Variants in LDLRAD4 observed in about 807,000 individuals in gnomAD.
LDLRAD4 encodes the protein low-density lipoprotein receptor class A domain-containing protein 4.
Under a neutral mutation model 17.0 loss-of-function variants are expected in LDLRAD4, and 5 were observed. That is an observed-to-expected ratio of 0.29 (90% CI 0.15 to 0.62). LDLRAD4 has a LOEUF of 0.62. Among genes scored for constraint, LDLRAD4 ranks in the 20% least tolerant of loss-of-function variants. The pLI is 0.84. For synonymous variants in LDLRAD4, 168 were observed against 171.8 expected (o/e 0.98, Z 0.17); for missense variants, 340 against 424.7 (o/e 0.80, Z 1.75).
At position 13,415,981 on chromosome 18, in the gene LDLRAD4, C is replaced by T. The variant is rs971876402; in HGVS notation, c.41-22263C>T. Among the ~76,000 whole-genome samples the T allele has an allele frequency of 1.4e-4, 21 of 152,210 alleles. 1 individual carries two copies. The highest frequency in any genetic ancestry group is 9.2e-4 in the Admixed American group (14 of 15,288). The stretch of plus-strand genomic sequence containing the variant: ...TCTTCATCTCTGCGGTGACTTGCGT[C>T]GTAGGAGAGCTTTGGTGTGGGCTGT... On this transcript the variant is annotated intron_variant, in intron 2 of 5. Transcript: ENST00000359446.
chr18:13,346,485 C>T (rs2082695109), intron 1 of LDLRAD4, among the ~76,000 whole-genome samples: 1 of 152,102 alleles, frequency 6.6e-6, no homozygotes. Flanking sequence ...CTGAGGAGTG[C>T]TTTATTTCCA....
intron 4 of LDLRAD4, among the ~76,000 whole-genome samples, chr18:13,631,801 C>T (rs1417289745): frequency 1.3e-5 from 2 of 152,068 alleles, no homozygotes; most frequent in Admixed American, 6.6e-5. Flanking sequence ...GGGGCACGCA[C>T]CTGCAATCCC....
At chr18:13,428,822 G>A (rs2090127464) in intron 2 of LDLRAD4, among the ~76,000 whole-genome samples, 1 of 152,178 alleles carries the variant, frequency 6.6e-6, no homozygotes, top group African/African-American at 2.4e-5. Flanking sequence ...GCTACTGGGG[G>A]AGTGACTTTG....
rs201053840 is a variant in LDLRAD4 at position 13,513,390 on chromosome 18, T to C, written c.181+75006T>C. ...TAACCACTGTGGGCTAAACACAAGA[T>C]GTTTTTGTGGGTGGGCAACTTTGTG... is the stretch of plus-strand genomic sequence containing the variant. On this transcript the variant is annotated intron_variant, in intron 3 of 5. Transcript: ENST00000359446. Among the ~76,000 whole-genome samples, 3 of 152,248 alleles carry C rather than the reference T, an allele frequency of 2.0e-5. No individual in the cohort carries two copies. In the East Asian group the frequency reaches 5.8e-4, roughly 29 times the overall value.
In LDLRAD4 at chr18:13,442,529, TG is replaced by T. The variant is rs528895583; in HGVS notation, c.181+4148del. On this transcript the variant is annotated intron_variant, in intron 3 of 5. Transcript: ENST00000359446. ...CCCGCGTGGGGCACGGCTGAGAAAG[TG>T]GGTTGGGCCTAGAGAGACAGAAGCC... 1.5e-4 allele frequency among the ~76,000 whole-genome samples: 23 copies of T among 152,076 alleles called. No individual in the cohort carries two copies. The South Asian group carries it at 4.1e-3, about 27-fold the overall frequency.
At chr18:13,238,923 A>G (rs993259236) in intron 1 of LDLRAD4, among the ~76,000 whole-genome samples, 1 of 152,128 alleles carries the variant, frequency 6.6e-6, no homozygotes, top group Non-Finnish European at 1.5e-5. Flanking sequence ...CGGGTGGCTC[A>G]TGTCTGCAAT....
chr18:13,492,451 T>G (rs553470528), intron 3 of LDLRAD4, among the ~76,000 whole-genome samples: 459 of 152,364 alleles, frequency 3.0e-3, no homozygotes, highest in African/African-American at 0.011. Context: ...CCCCCGGGTC[T>G]GAATCTGCCT....
intron 3 of LDLRAD4, among the ~76,000 whole-genome samples, chr18:13,530,844 A>C (rs983592945): frequency 4.2e-5 from 5 of 117,666 alleles, no homozygotes; most frequent in Non-Finnish European, 8.2e-5. Context: ...TTTGGTGAGC[A>C]GCCCCCGCAG....
chr18:13,293,103 G>A (rs1173384528), intron 1 of LDLRAD4, among the ~76,000 whole-genome samples: 17 of 152,214 alleles, frequency 1.1e-4, no homozygotes, highest in Admixed American at 1.0e-3. Context: ...TGAAATCACT[G>A]GTTGAGCTCT....
At chr18:13,377,809 G>A (rs1435506592) in intron 1 of LDLRAD4, among the ~76,000 whole-genome samples, 4 of 152,160 alleles carry the variant, frequency 2.6e-5, no homozygotes, top group Non-Finnish European at 5.9e-5. Flanking sequence ...GCAGAGCCTC[G>A]CAGGCCCATC....
At chr18:13,448,765 A>T (rs2091597787) in intron 3 of LDLRAD4, among the ~76,000 whole-genome samples, 1 of 152,122 alleles carries the variant, frequency 6.6e-6, no homozygotes, top group Non-Finnish European at 1.5e-5. Flanking sequence ...CTTGAAAAAA[A>T]TTATCCAAAA....
chr18:13,430,961 C>T (rs2090296897), intron 2 of LDLRAD4, among the ~76,000 whole-genome samples: 2 of 152,154 alleles, frequency 1.3e-5, no homozygotes, highest in South Asian at 2.1e-4. Context: ...ACCATTGATC[C>T]TCATGAAGAA....
exon 6 of LDLRAD4, chr18:13,647,022 A>G (rs1372839140): frequency 6.6e-6 from 1 of 152,184 alleles, no homozygotes; most frequent in Non-Finnish European, 1.5e-5. Flanking sequence ...TTAGCATAGC[A>G]TTCTTAAAGG....
intron 3 of LDLRAD4, among the ~76,000 whole-genome samples, chr18:13,509,871 A>G (rs1268181817): frequency 1.3e-5 from 2 of 152,222 alleles, no homozygotes; most frequent in Non-Finnish European, 2.9e-5. Context: ...AAGACCCTCC[A>G]CCAGCAAAAA....
intron 3 of LDLRAD4, among the ~76,000 whole-genome samples, chr18:13,493,059 CAGCG>C (rs1379803946): frequency 1.7e-4 from 26 of 152,134 alleles, no homozygotes; most frequent in African/African-American, 5.3e-4. Context: ...ATTGAGGCTG[CAGCG>C]AGCTGTGATT....
chr18:13,451,224 A>G (rs1304188798), intron 3 of LDLRAD4, among the ~76,000 whole-genome samples: 2 of 152,132 alleles, frequency 1.3e-5, no homozygotes, highest in South Asian at 2.1e-4. Flanking sequence ...TGGTTTGGCT[A>G]TTTGTCCCCT....
At chr18:13,416,609 G>A (rs2088919558) in intron 2 of LDLRAD4, among the ~76,000 whole-genome samples, 2 of 152,186 alleles carry the variant, frequency 1.3e-5, no homozygotes, top group South Asian at 4.1e-4. Flanking sequence ...TTGGTATGAT[G>A]CTGGCACCTT....
chr18:13,235,585 C>A (rs572583907), intron 1 of LDLRAD4, among the ~76,000 whole-genome samples: 4 of 152,226 alleles, frequency 2.6e-5, no homozygotes, highest in Non-Finnish European at 4.4e-5. Flanking sequence ...GGAGAAAAAA[C>A]TGAAAAACCC....
intron 4 of LDLRAD4, chr18:13,642,062 G>C (rs1464107536): frequency 2.0e-6 from 2 of 985,388 alleles, no homozygotes; most frequent in Non-Finnish European, 2.4e-6. Flanking sequence ...CTGCCAGGCC[G>C]GGCCCTTCCC....
Sources: allele counts gnomAD v4.1 joint callset (sites outside exome capture counted in the v4.1 genomes callset), GRCh38; gene constraint gnomAD v4.1.1; transcripts MANE v1.5; gene names NCBI Gene and HGNC (gene_info 2026-07-23, HGNC 2026-07-21).